Variants in MUC4 observed in about 807,000 individuals in gnomAD.
MUC4 encodes mucin 4, cell surface associated.
MUC4 carries 202 observed loss-of-function variants against 257.9 expected under a neutral mutation model. The ratio of observed to expected loss-of-function variants is 0.78; its 90% confidence interval spans 0.70 to 0.88. The LOEUF (loss-of-function observed/expected upper bound fraction) is 0.88, where lower values mean the gene tolerates loss of function less well. Ranked by LOEUF, MUC4 falls within the 40% of genes least tolerant of loss-of-function variation. The pLI is 0.00. For missense variants in MUC4, 5,976 were observed against 6,513.7 expected, an observed-to-expected ratio of 0.92 and a Z score of 2.84; for synonymous variants, 2,351 against 2,757.1, an observed-to-expected ratio of 0.85 and a Z score of 4.62.
chr3:195,754,188 G>A (rs765735920), intron 19 of MUC4, 25 bp downstream of exon 19: 4 of 1,596,912 alleles, frequency 2.5e-6, no homozygotes, highest in Non-Finnish European at 3.4e-6. Flanking sequence ...AGAAGCGCCT[G>A]CTCCAGGCCC....
In MUC4 at chr3:195,789,022, C is replaced by T. The variant is rs767684941; in HGVS notation, c.2558G>A (p.Ser853Asn). Reference sequence around the variant, plus strand: ...TGTGCTTACTGGGATGGCACCATGACTGGCTGAGGCGGACAGCAATTCGGT... The same window carrying T: ...TGTGCTTACTGGGATGGCACCATGATTGGCTGAGGCGGACAGCAATTCGGT... ...STTELLSASA[S>N]HGAIPVSTGM... The change falls in exon 2 of 25, where the codon AGT becomes AAT. Residue 853 changes from serine (S) to asparagine (N), a missense_variant. By Grantham distance (46) the Ser-to-Asn change is conservative. This residue lies in a region of MUC4 where 1,583 missense variants were observed against 1,257.4 expected (regional missense o/e 1.26). Coordinates refer to ENST00000463781, the MANE Select transcript of MUC4 (RefSeq NM_018406.7). 1 of 1,613,880 alleles carries T rather than the reference C, an allele frequency of 6.2e-7. No individual in the cohort carries two copies. The highest frequency in any genetic ancestry group is 1.7e-5 in the Admixed American group (1 of 60,008).
At chr3:195,769,219 C>T (rs549420626) in intron 6 of MUC4, 67 bp from the exon 7 acceptor site, 7 of 1,574,888 alleles carry the variant, frequency 4.4e-6, no homozygotes, top group East Asian at 2.3e-5. Flanking sequence ...TCTTATGTCC[C>T]CCCGCCCGTC....
chr3:195,791,015 G>C lies in MUC4; in HGVS notation c.565C>G (p.Gln189Glu). The C allele has an allele frequency of 6.2e-7, 1 of 1,613,966 alleles. No individual in the cohort carries two copies. Among genetic ancestry groups the C allele is most frequent in the Non-Finnish European group, 8.5e-7 (1 of 1,179,896 alleles). The change falls in exon 2 of 25, where the codon CAA becomes GAA. Residue 189 changes from glutamine (Q) to glutamate (E), a missense_variant. Gln to Glu is a conservative substitution (Grantham distance 29, BLOSUM62 2). Transcript: ENST00000463781. ...SRTTSWRTSI[Q>E]DTSASSQNHW... ...TTCTGAGAAGAAGCTGATGTGTCTTGGATAGAGGTCCTCCAGGAAGTTGTT... is the reference window on the plus strand; with the variant it reads ...TTCTGAGAAGAAGCTGATGTGTCTTCGATAGAGGTCCTCCAGGAAGTTGTT...
Position 195,781,569 on chromosome 3 carries a change from T to G in MUC4, c.10011A>C (p.Ala3337=). The G allele has an allele frequency of 1.6e-6, 2 of 1,275,970 alleles. No individual in the cohort carries two copies. Among genetic ancestry groups the G allele is most frequent in the Non-Finnish European group, 2.1e-6 (2 of 942,740 alleles). The allele number at this position is 1,275,970 out of a possible 1,614,324, so 79.0% of individuals were successfully genotyped here. A position where few individuals can be genotyped will look rare whatever the true frequency, so the allele number is the denominator to read the frequency against. ...TPLHVTSPSS[A]STGDTTPVPV... is the part of the protein sequence containing the mutation. ...GCACAGGGGTGGTGTCACCTGTGGA[T>G]GCTGAGGAAGGGCTGGTGACATGAA... is the stretch of plus-strand genomic sequence containing the variant. The change falls in exon 2 of 25, where the codon GCA becomes GCC. Residue 3337 remains alanine (A), a synonymous_variant. Coordinates refer to ENST00000463781, the MANE Select transcript of MUC4 (RefSeq NM_018406.7).
intron 1 of MUC4, among the ~76,000 whole-genome samples, chr3:195,798,489 G>C (rs1201119355): frequency 6.6e-6 from 1 of 152,136 alleles, no homozygotes. Flanking sequence ...GGATCATGAG[G>C]TCAGGAGATC....
intron 2 of MUC4, 120 bp downstream of exon 2, chr3:195,778,670 T>C: frequency 7.6e-7 from 1 of 1,319,838 alleles, no homozygotes; most frequent in Non-Finnish European, 1.0e-6. Context: ...TCCTCCCCTG[T>C]GGGACCTGAC....
chr3:195,804,851 C>T (rs56217733), intron 1 of MUC4, among the ~76,000 whole-genome samples: 1,696 of 152,354 alleles, frequency 0.011, 43 homozygotes, highest in African/African-American at 0.039. Flanking sequence ...GTTGTGTCCA[C>T]TGGGTACTTC....
chr3:195,763,771 G>T (rs1719762472), intron 11 of MUC4, 130 bp from the exon 12 acceptor site: 1 of 1,060,292 alleles, frequency 9.4e-7, no homozygotes, highest in Non-Finnish European at 1.3e-6. Flanking sequence ...GTCGACTGGG[G>T]CACTTGTCCG....
At position 195,757,039 on chromosome 3, in the gene MUC4, A is replaced by G; in HGVS notation, c.15168+108T>C. ...CTACTCACCTACCACTGCTCCACCCATCTCCCAACACAGACACACCCAGGA... is the reference window on the plus strand; with the variant it reads ...CTACTCACCTACCACTGCTCCACCCGTCTCCCAACACAGACACACCCAGGA... On this transcript the variant is annotated intron_variant, in intron 18 of 24. Transcript: ENST00000463781. This position sits in a 1 kb window ranked among gnomAD's most constrained non-coding sequence, Gnocchi z 4.8. 8.6e-7 allele frequency: 1 copy of G among 1,163,488 alleles called. No homozygotes were observed. Among genetic ancestry groups the G allele is most frequent in the Non-Finnish European group, 1.2e-6 (1 of 811,804 alleles). The allele number at this position is 1,163,488 out of a possible 1,614,324, so 72.1% of individuals were successfully genotyped here. A position where few individuals can be genotyped will look rare whatever the true frequency, so the allele number is the denominator to read the frequency against.
intron 1 of MUC4, among the ~76,000 whole-genome samples, chr3:195,807,612 AG>A (rs1479697095): frequency 6.6e-6 from 1 of 152,212 alleles, no homozygotes; most frequent in Non-Finnish European, 1.5e-5. Flanking sequence ...AACTCAGCCT[AG>A]CAGTAAGAAA....
At chr3:195,767,005 G>A (rs1720654516) in intron 7 of MUC4, among the ~76,000 whole-genome samples, 1 of 152,148 alleles carries the variant, frequency 6.6e-6, no homozygotes, top group Non-Finnish European at 1.5e-5. Flanking sequence ...TGGCAGGTCC[G>A]CTTGGTCATG....
intron 11 of MUC4, 82 bp downstream of exon 11, chr3:195,763,963 C>T (rs1318333101): frequency 1.2e-5 from 18 of 1,481,970 alleles, no homozygotes; most frequent in Non-Finnish European, 1.6e-5. Context: ...TGCCCCTACT[C>T]CTTATCCAGA....
chr3:195,761,998 C>T (rs980967303), intron 14 of MUC4, 89 bp downstream of exon 14: 10 of 1,401,490 alleles, frequency 7.1e-6, no homozygotes, highest in Non-Finnish European at 8.6e-6. Context: ...GAAAGGGAGG[C>T]CGAGCAGGGC....
At position 195,755,742 on chromosome 3, in the gene MUC4, A is replaced by G. The variant is rs753787849; in HGVS notation, c.15169-1370T>C. Among the ~76,000 whole-genome samples, 11 of 152,046 alleles carry G rather than the reference A, an allele frequency of 7.2e-5. No individual in the cohort carries two copies. The highest frequency in any genetic ancestry group is 1.3e-4 in the Non-Finnish European group (9 of 67,992). ...TCTGTGGAATAGTATATTGATTTCA[A>G]TCTCTTTTTCCCATTGTGTATTTTA... On this transcript the variant is annotated intron_variant, in intron 18 of 24. Coordinates refer to ENST00000463781, the MANE Select transcript of MUC4 (RefSeq NM_018406.7). The surrounding 1 kb of genome is among the most constrained non-coding windows in gnomAD (Gnocchi z 5.0).
Position 195,764,872 on chromosome 3 carries a change from T to C in MUC4, c.13924+125A>G, listed in dbSNP as rs1276762067. 20 of 1,373,138 alleles carry C rather than the reference T, an allele frequency of 1.5e-5. No individual in the cohort carries two copies. The East Asian group carries it at 4.2e-4, about 29-fold the overall frequency. The allele number at this position is 1,373,138 out of a possible 1,614,324, so 85.1% of individuals were successfully genotyped here. Reference sequence around the variant, plus strand: ...GGGGATGTTGGAAGCTTCCTAACGTTACCCGATCAGGAAGTGGAGGCCCAG... The same window carrying C: ...GGGGATGTTGGAAGCTTCCTAACGTCACCCGATCAGGAAGTGGAGGCCCAG... On this transcript the variant is annotated intron_variant, in intron 10 of 24. Transcript: ENST00000463781.
Position 195,790,749 on chromosome 3 carries a change from T to C in MUC4, c.831A>G (p.Pro277=). 1.2e-6 allele frequency: 2 copies of C among 1,613,988 alleles called. No homozygotes were observed. Among genetic ancestry groups the C allele is most frequent in the Non-Finnish European group, 1.7e-6 (2 of 1,179,884 alleles). ...TTSTGSTLGN[P]GETSSVPVTG... The stretch of plus-strand genomic sequence containing the variant: ...TAACAGGTACTGATGATGTCTCCCC[T>C]GGGTTTCCAAGAGTGGAGCCTGTGG... The change falls in exon 2 of 25, where the codon CCA becomes CCG. Residue 277 remains proline (P), a synonymous_variant. Transcript: ENST00000463781.
At position 195,779,291 on chromosome 3, in the gene MUC4, GA is replaced by G. The variant is rs2148911114; in HGVS notation, c.12288del (p.Leu4097PhefsTer162). Reference protein sequence around the residue: ...ASSASTGHATPLPLTSLSSVS... With the variant: ...ASSASTGHATXLPLTSLSSVS... ...ACTGAGGAAAGGCTGGTGAGAGGAA[GA>G]GGGGTGGCGTGACCGGTGGATGCTG... On this transcript the variant is annotated frameshift_variant, in exon 2 of 25. Transcript: ENST00000463781. LOFTEE classifies it high-confidence loss of function. The G allele has an allele frequency of 7.3e-7, 1 of 1,368,056 alleles. No individual in the cohort carries two copies. The highest frequency in any genetic ancestry group is 9.8e-7 in the Non-Finnish European group (1 of 1,024,476). The allele number at this position is 1,368,056 out of a possible 1,614,324, so 84.7% of individuals were successfully genotyped here.
intron 1 of MUC4, among the ~76,000 whole-genome samples, chr3:195,808,432 C>G (rs901925553): frequency 1.3e-5 from 2 of 152,138 alleles, no homozygotes; most frequent in African/African-American, 2.4e-5. Flanking sequence ...TCTTGAACTC[C>G]TGACCTCAGG....
At position 195,763,273 on chromosome 3, in the gene MUC4, C is replaced by A. The variant is rs2550262; in HGVS notation, c.14253+160G>T. On this transcript the variant is annotated intron_variant, in intron 12 of 24. Transcript: ENST00000463781. Reference sequence around the variant, plus strand: ...GGGGCCAGAGCCCTAATCCACCATCCCCAGGATTTACTCCGGGACAGCTGC... The same window carrying A: ...GGGGCCAGAGCCCTAATCCACCATCACCAGGATTTACTCCGGGACAGCTGC... 0.6 allele frequency among the ~76,000 whole-genome samples: 91,330 copies of A among 152,200 alleles called. 29,297 individuals are homozygous for A. The highest frequency in any genetic ancestry group is 0.8 in the East Asian group (4,151 of 5,182).
Sources: allele counts gnomAD v4.1 joint callset (sites outside exome capture counted in the v4.1 genomes callset), GRCh38; gene constraint gnomAD v4.1.1; regional missense constraint gnomAD v4.1.1; non-coding constraint Gnocchi (gnomAD v3.1); transcripts MANE v1.5; gene names NCBI Gene and HGNC (gene_info 2026-07-23, HGNC 2026-07-21).